The following PLD2 variants were observed in gnomAD, a reference collection of about 807,000 sequenced individuals.
The protein encoded by PLD2 is phospholipase D2.
Under a neutral mutation model 119.8 loss-of-function variants are expected in PLD2, and 101 were observed. The observed-to-expected ratio is 0.84, with a 90% CI of 0.72 to 0.99. The LOEUF (loss-of-function observed/expected upper bound fraction) is 0.99, where lower values mean the gene tolerates loss of function less well. PLD2 is among the 50% of genes least tolerant of loss of function. The pLI, the probability that PLD2 is intolerant of heterozygous loss-of-function variation, is 0.00. For missense variants in PLD2, 1,164 were observed against 1,226.8 expected (o/e 0.95, Z 0.76); for synonymous variants, 494 against 482.8 (o/e 1.02, Z -0.30).
rs1205268010 is a variant in PLD2 at position 4,819,904 on chromosome 17, T to C, written c.2462+322T>C. Among the ~76,000 whole-genome samples the C allele has an allele frequency of 6.6e-6, 1 of 152,034 alleles. No individual in the cohort carries two copies. The highest frequency in any genetic ancestry group is 1.5e-5 in the Non-Finnish European group (1 of 68,002). ...TCCCAGCTACTAGGACTAATCAGTTTAGAGTATCAGTAAAGCAGGAACACC... is the reference window on the plus strand; with the variant it reads ...TCCCAGCTACTAGGACTAATCAGTTCAGAGTATCAGTAAAGCAGGAACACC... On this transcript the variant is annotated intron_variant, in intron 23 of 24. Coordinates refer to ENST00000263088, the MANE Select transcript of PLD2 (RefSeq NM_002663.5). This position sits in a 1 kb window ranked among gnomAD's most constrained non-coding sequence, Gnocchi z 4.2.
In PLD2 at chr17:4,822,641, T is replaced by A. The variant is rs1907797071; in HGVS notation, c.2579T>A (p.Ile860Asn). ...TGGCGTCCATGCCCCCGCCCACAGA[T>A]CTTCCGCTGCCTGCCATCCAATGCC... Reference protein sequence around the residue: ...AESNANIYEQIFRCLPSNATR... With the variant: ...AESNANIYEQNFRCLPSNATR... The change falls in exon 25 of 25, where the codon ATC (isoleucine) becomes AAC (asparagine). Residue 860 changes from isoleucine (I) to asparagine (N), a missense_variant and splice_region_variant. Ile to Asn is a moderately radical substitution (Grantham distance 149). Transcript: ENST00000263088. The A allele has an allele frequency of 1.2e-6, 2 of 1,602,850 alleles. No individual in the cohort carries two copies. Among genetic ancestry groups the A allele is most frequent in the African/African-American group, 2.7e-5 (2 of 74,754 alleles).
Position 4,814,483 on chromosome 17 carries a change from T to G in PLD2, c.1076T>G (p.Ile359Ser). 1 of 1,613,204 alleles carries G rather than the reference T, an allele frequency of 6.2e-7. No homozygotes were observed. The highest frequency in any genetic ancestry group is 8.5e-7 in the Non-Finnish European group (1 of 1,179,776). ...GCCATCCTTCGAGCTCAAGAGGAGA[T>G]TTTCATCACAGACTGGTGGTGAGTG... ...ADAILRAQEE[I>S]FITDWWLSPE... Residue 359 changes from isoleucine (I) to serine (S), a missense_variant, in exon 11 of 25, where the codon ATT (isoleucine) becomes AGT (serine). Physicochemically the swap from Ile to Ser is moderately radical, Grantham distance 142 (BLOSUM62 -2). Transcript: ENST00000263088.
At position 4,809,881 on chromosome 17, in the gene PLD2, C is replaced by T; in HGVS notation, c.712C>T (p.Leu238=). The part of the protein sequence containing the change: ...QVCYRWSKRW[L]VVKDSFLLYM... ...CACGGAGCCCTTCTGCTCTAGGTGG[C>T]TGGTGGTGAAGGACTCCTTCCTGCT... Residue 238 remains leucine (L), a synonymous_variant, in exon 9 of 25, where the codon CTG becomes TTG. Coordinates refer to ENST00000263088, the MANE Select transcript of PLD2 (RefSeq NM_002663.5). The T allele has an allele frequency of 6.2e-7, 1 of 1,614,198 alleles. No individual in the cohort carries two copies.
At chr17:4,822,005 A>G (rs1907726032) in intron 24 of PLD2, 98 bp downstream of exon 24, 1 of 752,050 alleles carries the variant, frequency 1.3e-6, no homozygotes, top group Non-Finnish European at 2.3e-6. Flanking sequence ...TACAGTCATT[A>G]TTGGAAGGGG....
chr17:4,818,711 C>T, intron 20 of PLD2, 63 bp from the exon 21 acceptor site: 3 of 1,593,932 alleles, frequency 1.9e-6, no homozygotes, highest in Non-Finnish European at 2.6e-6. Context: ...AGAAGGGCCA[C>T]CTCTCCTGAC....
At position 4,817,235 on chromosome 17, in the gene PLD2, A is replaced by T; in HGVS notation, c.1791A>T (p.Pro597=). Residue 597 remains proline (P), a synonymous_variant, in exon 17 of 25, where the codon CCA becomes CCT. Coordinates refer to ENST00000263088, the MANE Select transcript of PLD2 (RefSeq NM_002663.5). ...STANQLPFTL[P]GGQCTTVQVL... ...CCAATCAGCTCCCCTTCACACTTCC[A>T]GGAGGGCAGTGCACCACCGTACAGG... 2.5e-6 allele frequency: 4 copies of T among 1,612,522 alleles called. No homozygotes were observed. Among genetic ancestry groups the T allele is most frequent in the Non-Finnish European group, 3.4e-6 (4 of 1,178,672 alleles).
At position 4,814,485 on chromosome 17, in the gene PLD2, T is replaced by C; in HGVS notation, c.1078T>C (p.Phe360Leu). ...DAILRAQEEI[F>L]ITDWWLSPEV... ...CATCCTTCGAGCTCAAGAGGAGATT[T>C]TCATCACAGACTGGTGGTGAGTGGG... Residue 360 changes from phenylalanine (F) to leucine (L), a missense_variant, in exon 11 of 25, where the codon TTC (phenylalanine) becomes CTC (leucine). Physicochemically the swap from Phe to Leu is conservative, Grantham distance 22 (BLOSUM62 0). Coordinates refer to ENST00000263088, the MANE Select transcript of PLD2 (RefSeq NM_002663.5). 6.2e-7 allele frequency: 1 copy of C among 1,613,438 alleles called. No homozygotes were observed. The highest frequency in any genetic ancestry group is 8.5e-7 in the Non-Finnish European group (1 of 1,179,798).
At chr17:4,809,028 CT>C in intron 4 of PLD2, 71 bp from the exon 5 acceptor site, 2 of 1,183,768 alleles carry the variant, frequency 1.7e-6, no homozygotes, top group Non-Finnish European at 2.5e-6. Context: ...CGAGCCCCAT[CT>C]CCAGTGTTTT....
At position 4,810,041 on chromosome 17, in the gene PLD2, C is replaced by A. The variant is rs1192645419; in HGVS notation, c.860+12C>A. 3.7e-6 allele frequency: 6 copies of A among 1,611,760 alleles called. No individual in the cohort carries two copies. Among genetic ancestry groups the A allele is most frequent in the Middle Eastern group, 2.1e-4 (1 of 4,778 alleles). The stretch of plus-strand genomic sequence containing the variant: ...GATACCTCCCACAGGTGAGGCCTCC[C>A]TGGGGTGAGAGACACCAGCTGAGTG... On this transcript the variant is annotated intron_variant, in intron 9 of 24. Coordinates refer to ENST00000263088, the MANE Select transcript of PLD2 (RefSeq NM_002663.5).
rs1906140047 is a variant in PLD2, at chr17:4,808,895, T to C, written c.384-205T>C. Among the ~76,000 whole-genome samples, 1 of 152,224 alleles carries C rather than the reference T, an allele frequency of 6.6e-6. No individual in the cohort carries two copies. The highest frequency in any genetic ancestry group is 2.4e-5 in the African/African-American group (1 of 41,536). On this transcript the variant is annotated intron_variant, in intron 4 of 24. Coordinates refer to ENST00000263088, the MANE Select transcript of PLD2 (RefSeq NM_002663.5). This position sits in a 1 kb window ranked among gnomAD's most constrained non-coding sequence, Gnocchi z 4.1. ...ATTTTGTAGAGATGGGGTGCTGCTGTGTTGCCCAGGCTGGTCTTAAATTCC... is the reference window on the plus strand; with the variant it reads ...ATTTTGTAGAGATGGGGTGCTGCTGCGTTGCCCAGGCTGGTCTTAAATTCC...
Position 4,809,865 on chromosome 17 carries a change from C to T in PLD2, c.708-12C>T. 1 of 1,614,190 alleles carries T rather than the reference C, an allele frequency of 6.2e-7. No homozygotes were observed. The highest frequency in any genetic ancestry group is 2.2e-5 in the East Asian group (1 of 44,882). ...AGGGCAGAGAGGAACACACGGAGCC[C>T]TTCTGCTCTAGGTGGCTGGTGGTGA... On this transcript the variant is annotated splice_polypyrimidine_tract_variant and intron_variant, in intron 8 of 24. Coordinates refer to ENST00000263088, the MANE Select transcript of PLD2 (RefSeq NM_002663.5).
At chr17:4,818,916 A>G in intron 21 of PLD2, 93 bp downstream of exon 21, 2 of 1,495,034 alleles carry the variant, frequency 1.3e-6, no homozygotes, top group Non-Finnish European at 1.8e-6. Context: ...GGAGGCTGTC[A>G]CTCCTGTGAG....
rs527376457 is a variant in PLD2, at chr17:4,819,099, G to A, written c.2189G>A (p.Arg730Gln). The A allele has an allele frequency of 2.2e-5, 35 of 1,614,194 alleles. No individual in the cohort carries two copies. Among genetic ancestry groups the A allele is most frequent in the East Asian group, 6.7e-5 (3 of 44,892 alleles). Residue 730 changes from arginine (R) to glutamine (Q), a missense_variant, in exon 22 of 25, where the codon CGG (arginine) becomes CAG (glutamine). Arg to Gln is a conservative substitution (Grantham distance 43). Transcript: ENST00000263088. This position sits in a 1 kb window ranked among gnomAD's most constrained non-coding sequence, Gnocchi z 4.2. ...RLKAAMGTAWRDYISICGLRT... is the reference protein window; with the variant it reads ...RLKAAMGTAWQDYISICGLRT... ...TGTCACGCAGTGGGGACAGCATGGCGGGACTATATTTCCATCTGCGGGCTT... is the reference window on the plus strand; with the variant it reads ...TGTCACGCAGTGGGGACAGCATGGCAGGACTATATTTCCATCTGCGGGCTT...
chr17:4,818,069 A>C lies in PLD2; in HGVS notation c.1883A>C (p.His628Pro), dbSNP rs773753942. Residue 628 changes from histidine (H) to proline (P), a missense_variant, in exon 18 of 25, where the codon CAC becomes CCC. Physicochemically the swap from His to Pro is moderately conservative, Grantham distance 77. Transcript: ENST00000263088. Reference sequence around the variant, plus strand: ...AACTCCATCCTCAATGCCTACCTGCACACCATCAGGGAGAGCCAGCACTTC... The same window carrying C: ...AACTCCATCCTCAATGCCTACCTGCCCACCATCAGGGAGAGCCAGCACTTC... ...LENSILNAYL[H>P]TIRESQHFLY... The C allele has an allele frequency of 1.9e-6, 3 of 1,614,120 alleles. No individual in the cohort carries two copies. Among genetic ancestry groups the C allele is most frequent in the Non-Finnish European group, 2.5e-6 (3 of 1,179,926 alleles).
In PLD2 at chr17:4,808,990, G is replaced by A; in HGVS notation, c.384-110G>A. The A allele has an allele frequency of 1.2e-6, 1 of 825,422 alleles. No homozygotes were observed. Among genetic ancestry groups the A allele is most frequent in the Non-Finnish European group, 2.0e-6 (1 of 495,804 alleles). 51.1% of individuals were successfully genotyped at this position (825,422 alleles called of 1,614,324 possible). A position where few individuals can be genotyped will look rare whatever the true frequency, so the allele number is the denominator to read the frequency against. On this transcript the variant is annotated intron_variant, in intron 4 of 24. Coordinates refer to ENST00000263088, the MANE Select transcript of PLD2 (RefSeq NM_002663.5). This position sits in a 1 kb window ranked among gnomAD's most constrained non-coding sequence, Gnocchi z 4.1. ...ATTCCAGGCGTGAGCCACCACGCCTGGCCACCTCCAGGCCTCTTCTTTTCC... is the reference window on the plus strand; with the variant it reads ...ATTCCAGGCGTGAGCCACCACGCCTAGCCACCTCCAGGCCTCTTCTTTTCC...
chr17:4,814,555 C>G, intron 11 of PLD2, 54 bp downstream of exon 11: 1 of 1,612,640 alleles, frequency 6.2e-7, no homozygotes, highest in Non-Finnish European at 8.5e-7. Flanking sequence ...TGGGGCAGAT[C>G]AGCATTAGGA....
In PLD2 at chr17:4,807,510, GGGTGTTCCCCGGGGCTCT is replaced by G; in HGVS notation, c.-1-258_-1-241del. The G allele has an allele frequency of 2.8e-6, 1 of 352,834 alleles. No homozygotes were observed. Among genetic ancestry groups the G allele is most frequent in the South Asian group, 4.6e-5 (1 of 21,900 alleles). The allele number at this position is 352,834 out of a possible 1,614,324, so 21.9% of individuals were successfully genotyped here. On this transcript the variant is annotated intron_variant, in intron 1 of 24. Coordinates refer to ENST00000263088, the MANE Select transcript of PLD2 (RefSeq NM_002663.5). This position sits in a 1 kb window ranked among gnomAD's most constrained non-coding sequence, Gnocchi z 5.4. The stretch of plus-strand genomic sequence containing the variant: ...AGGTCGGAGCCTTCCGGGCCTGGCT[GGGTGTTCCCCGGGGCTCT>G]GGTTACGGGACGGGGCGGGGGGCGG...
chr17:4,822,769 C>G lies in PLD2; in HGVS notation c.2707C>G (p.Leu903Val). The G allele has an allele frequency of 6.2e-7, 1 of 1,613,896 alleles. No homozygotes were observed. The highest frequency in any genetic ancestry group is 1.1e-5 in the South Asian group (1 of 91,076). Residue 903 changes from leucine to valine, a missense_variant, in exon 25 of 25, where the codon CTG becomes GTG. Coordinates refer to ENST00000263088, the MANE Select transcript of PLD2 (RefSeq NM_002663.5). ...TGAGCTCACCCAGGTCCAGGGCCACCTGGTCCACTTCCCCCTCAAGTTCCT... is the reference window on the plus strand; with the variant it reads ...TGAGCTCACCCAGGTCCAGGGCCACGTGGTCCACTTCCCCCTCAAGTTCCT... The part of the protein sequence containing the change: ...RSELTQVQGH[L>V]VHFPLKFLED...
chr17:4,820,333 TCCTGG>T, intron 23 of PLD2, among the ~76,000 whole-genome samples: 1 of 151,268 alleles, frequency 6.6e-6, no homozygotes, highest in South Asian at 2.1e-4. Flanking sequence ...AATGGCACGA[TCCTGG>T]CTCACTGCAA....
Sources: gnomAD v4.1 joint callset for allele counts (sites outside exome capture counted in the v4.1 genomes callset) on GRCh38, gnomAD v4.1.1 for gene constraint, Gnocchi (gnomAD v3.1) non-coding constraint, MANE v1.5 for transcripts, NCBI Gene and HGNC (gene_info 2026-07-23, HGNC 2026-07-21) for gene names.